CSE1L: variants seen among roughly 807,000 people sequenced by gnomAD.
CSE1L encodes the protein chromosome segregation 1 like.
A neutral mutation model predicts 120.4 loss-of-function variants in CSE1L; 24 were observed. The observed-to-expected ratio is 0.20, with a 90% confidence interval of 0.14 to 0.28. CSE1L has a LOEUF of 0.28. Among genes scored for constraint, CSE1L ranks in the 10% least tolerant of loss-of-function variants. The pLI is 1.00. For synonymous variants in CSE1L, 402 were observed against 398.3 expected, an observed-to-expected ratio of 1.01 and a Z score of -0.11; for missense variants, 830 against 1,145.2, an observed-to-expected ratio of 0.72 and a Z score of 3.97.
chr20:49,061,365 G>A (rs2091851523), intron 2 of CSE1L, among the ~76,000 whole-genome samples: 1 of 150,650 alleles, frequency 6.6e-6, no homozygotes, highest in South Asian at 2.1e-4. Context: ...GTAGAGACAG[G>A]GTTTCACCGT....
At chr20:49,080,202 A>G (rs1371311231) in intron 14 of CSE1L, among the ~76,000 whole-genome samples, 2 of 150,014 alleles carry the variant, frequency 1.3e-5, no homozygotes, top group African/African-American at 4.9e-5. Flanking sequence ...CATCATAGGT[A>G]TACTTTCTGT....
chr20:49,056,396 G>T (rs933137130), intron 1 of CSE1L, among the ~76,000 whole-genome samples: 2 of 152,056 alleles, frequency 1.3e-5, no homozygotes, highest in Non-Finnish European at 2.9e-5. Context: ...GAGCAACCGC[G>T]CCCAGCCTAA....
intron 2 of CSE1L, among the ~76,000 whole-genome samples, chr20:49,059,626 T>A (rs2091836493): frequency 6.6e-6 from 1 of 152,146 alleles, no homozygotes; most frequent in Non-Finnish European, 1.5e-5. Flanking sequence ...ACGCTTGTAA[T>A]CCCAGCACTT....
intron 2 of CSE1L, among the ~76,000 whole-genome samples, chr20:49,060,242 G>C (rs1325096050): frequency 1.3e-5 from 2 of 151,526 alleles, no homozygotes; most frequent in East Asian, 1.9e-4. Flanking sequence ...CCAGCATTTT[G>C]GGAAGCCAAG....
At chr20:49,086,932 G>T (rs946761677) in intron 16 of CSE1L, among the ~76,000 whole-genome samples, 1 of 152,194 alleles carries the variant, frequency 6.6e-6, no homozygotes, top group Non-Finnish European at 1.5e-5. Flanking sequence ...GTAGCAATCT[G>T]TTGAAGGGTG....
intron 22 of CSE1L, among the ~76,000 whole-genome samples, chr20:49,093,714 C>A (rs181000903): frequency 1.3e-5 from 2 of 151,294 alleles, no homozygotes; most frequent in Non-Finnish European, 2.9e-5. Context: ...GTCAGGAGTT[C>A]GAGATCAGCC....
At chr20:49,073,124 A>C (rs957273232) in intron 10 of CSE1L, among the ~76,000 whole-genome samples, 1 of 152,000 alleles carries the variant, frequency 6.6e-6, no homozygotes, top group Admixed American at 6.6e-5. Context: ...TGATCCTCCT[A>C]CCTCAGTCTT....
chr20:49,046,839 G>T (rs1263507775), intron 1 of CSE1L, among the ~76,000 whole-genome samples: 3 of 152,234 alleles, frequency 2.0e-5, no homozygotes, highest in Non-Finnish European at 2.9e-5. Flanking sequence ...CTAGCCGCGC[G>T]AGCTGAGTGT....
In CSE1L at chr20:49,058,503, T is replaced by G; in HGVS notation, c.40T>G (p.Tyr14Asp). The G allele has an allele frequency of 1.9e-6, 3 of 1,613,898 alleles. No individual in the cohort carries two copies. Among genetic ancestry groups the G allele is most frequent in the Non-Finnish European group, 2.5e-6 (3 of 1,179,872 alleles). Residue 14 changes from tyrosine to aspartate, a missense_variant, in exon 2 of 25, where the codon TAT (tyrosine) becomes GAT (aspartate). Around this residue, in one of 4 missense-constraint regions of CSE1L, gnomAD observed 543 missense variants for 640.2 expected, o/e 0.85. Transcript: ENST00000262982. Reference protein sequence around the residue: ...SDANLQTLTEYLKKTLDPDPA... With the variant: ...SDANLQTLTEDLKKTLDPDPA... Reference sequence around the variant, plus strand: ...TGCAAATCTGCAAACACTAACAGAATATTTAAAGAAAACACTTGATCCTGA... The same window carrying G: ...TGCAAATCTGCAAACACTAACAGAAGATTTAAAGAAAACACTTGATCCTGA...
intron 7 of CSE1L, among the ~76,000 whole-genome samples, chr20:49,069,584 G>C (rs2091917382): frequency 6.6e-6 from 1 of 152,008 alleles, no homozygotes; most frequent in African/African-American, 2.4e-5. Flanking sequence ...TAGAATAGGA[G>C]ATGAACAGCC....
chr20:49,047,833 G>A (rs1331374167), intron 1 of CSE1L, among the ~76,000 whole-genome samples: 1 of 151,758 alleles, frequency 6.6e-6, no homozygotes, highest in Non-Finnish European at 1.5e-5. Context: ...TTCTCCCATG[G>A]CTCTCCATCA....
At chr20:49,086,870 G>A (rs562532072) in intron 16 of CSE1L, among the ~76,000 whole-genome samples, 3 of 152,206 alleles carry the variant, frequency 2.0e-5, no homozygotes, top group Non-Finnish European at 4.4e-5. Context: ...TCTCTAGGAA[G>A]TGATCTCTAA....
intron 1 of CSE1L, among the ~76,000 whole-genome samples, chr20:49,046,797 G>A (rs2091715277): frequency 6.6e-6 from 1 of 152,248 alleles, no homozygotes; most frequent in African/African-American, 2.4e-5. Context: ...TATTGGTCGC[G>A]CTCGCATGTC....
intron 3 of CSE1L, among the ~76,000 whole-genome samples, chr20:49,065,556 G>C (rs1314955916): frequency 7.0e-6 from 1 of 142,328 alleles, no homozygotes; most frequent in African/African-American, 2.6e-5. Context: ...CTGACCTTGA[G>C]TGAGCCATCG....
chr20:49,048,203 C>T (rs2091737169), intron 1 of CSE1L, among the ~76,000 whole-genome samples: 1 of 149,936 alleles, frequency 6.7e-6, no homozygotes, highest in Admixed American at 6.6e-5. Context: ...CTCGTCTCTC[C>T]GCTCCTACAA....
intron 3 of CSE1L, among the ~76,000 whole-genome samples, chr20:49,065,346 G>A (rs1255839788): frequency 1.8e-4 from 10 of 55,722 alleles, no homozygotes; most frequent in Non-Finnish European, 2.4e-4. Context: ...TTTTTGAGAG[G>A]GAGTCTTGCT....
Position 49,094,158 on chromosome 20 carries a change from G to A in CSE1L, c.2466G>A (p.Leu822=). 1 of 1,571,528 alleles carries A rather than the reference G, an allele frequency of 6.4e-7. No homozygotes were observed. Among genetic ancestry groups the A allele is most frequent in the South Asian group, 1.1e-5 (1 of 87,772 alleles). The change falls in exon 23 of 25, where the codon TTG becomes TTA. Residue 822 remains leucine, a synonymous_variant. Transcript: ENST00000262982. ...GIQPKMFGMV[L]EKIIIPEIQK... is the part of the protein sequence containing the mutation. ...TTAATAGAATGTTTGGAATGGTTTT[G>A]GAAAAAATTATTATTCCTGAAATTC...
In CSE1L at chr20:49,056,847, CTGTGTGTG is replaced by C. The variant is rs3223230; in HGVS notation, c.-11-1573_-11-1566del. ...GCTAATTAACATATTACTTCACATG[CTGTGTGTG>C]TGTGTGTGTGTGTGTGTGTGTGTGT... On this transcript the variant is annotated intron_variant, in intron 1 of 24. Coordinates refer to ENST00000262982, the MANE Select transcript of CSE1L (RefSeq NM_001316.4). 8.2e-3 allele frequency among the ~76,000 whole-genome samples: 1,219 copies of C among 149,020 alleles called. 20 individuals are homozygous for C. Among genetic ancestry groups the C allele is most frequent in the African/African-American group, 0.026 (1,037 of 40,590 alleles).
At chr20:49,047,564 C>CTGTTTTTTTTTTTTTT in intron 1 of CSE1L, among the ~76,000 whole-genome samples, 1 of 69,928 alleles carries the variant, frequency 1.4e-5, no homozygotes, top group Non-Finnish European at 2.6e-5. Flanking sequence ...TTTCTCTTTT[C>CTGTTTTTTTTTTTTTT]TTTTTTTTTT....
Sources: gnomAD v4.1 joint callset for allele counts (sites outside exome capture counted in the v4.1 genomes callset) on GRCh38, gnomAD v4.1.1 for gene constraint, gnomAD v4.1.1 regional missense constraint, MANE v1.5 for transcripts, NCBI Gene and HGNC (gene_info 2026-07-23, HGNC 2026-07-21) for gene names.